PGAM5: variants seen among roughly 807,000 people sequenced by gnomAD.
PGAM5 encodes PGAM family member 5, mitochondrial serine/threonine protein phosphatase, also known as serine/threonine-protein phosphatase PGAM5, mitochondrial.
PGAM5 carries 25 observed loss-of-function variants against 30.6 expected under a neutral mutation model. That is an observed-to-expected ratio of 0.82 (90% CI 0.60 to 1.14). PGAM5 has a LOEUF of 1.14. PGAM5 is among the 50% of genes most tolerant of loss of function. PGAM5 has a pLI of 0.00. For synonymous variants in PGAM5, 201 were observed against 179.1 expected (o/e 1.12, Z -0.98); for missense variants, 384 against 408.5 (o/e 0.94, Z 0.52).
At chr12:132,711,324 C>T (rs1019858484) in intron 1 of PGAM5, 1 of 262,228 alleles carries the variant, frequency 3.8e-6, no homozygotes, top group African/African-American at 2.2e-5. Context: ...GCGAGTCCGC[C>T]CTGGGTGCCA....
chr12:132,717,726 C>G lies in PGAM5; in HGVS notation c.513C>G (p.Ser171Arg), dbSNP rs1428648695. The change falls in exon 4 of 6, where the codon AGC becomes AGG. Residue 171 changes from serine to arginine, a missense_variant. Transcript: ENST00000498926. Reference sequence around the variant, plus strand: ...TCTCTGCAGGCGTCTGCAAAGTCAGCACAGATCTGCTGCGGGAAGGCGCCC... The same window carrying G: ...TCTCTGCAGGCGTCTGCAAAGTCAGGACAGATCTGCTGCGGGAAGGCGCCC... Reference protein sequence around the residue: ...SRHLPGVCKVSTDLLREGAPI... With the variant: ...SRHLPGVCKVRTDLLREGAPI... 6.3e-7 allele frequency: 1 copy of G among 1,577,908 alleles called. No individual in the cohort carries two copies. Among genetic ancestry groups the G allele is most frequent in the African/African-American group, 1.3e-5 (1 of 74,224 alleles).
rs1223534211 is a variant in PGAM5, at chr12:132,721,909, ATTT to A, written c.*1088_*1090del. 2.6e-5 allele frequency: 4 copies of A among 151,580 alleles called. No homozygotes were observed. Among genetic ancestry groups the A allele is most frequent in the African/African-American group, 4.9e-5 (2 of 41,190 alleles). The allele number at this position is 151,580 out of a possible 1,614,324, so 9.4% of individuals were successfully genotyped here. ...TGAGCCATCGTGCCTGGCCTAAAAAATTTTTTTTTCTTCATCTGGGTTTTTGCT... is the reference window on the plus strand; with the variant it reads ...TGAGCCATCGTGCCTGGCCTAAAAAATTTTTTCTTCATCTGGGTTTTTGCT... On this transcript the variant is annotated 3_prime_UTR_variant, in exon 6 of 6. Transcript: ENST00000498926.
At chr12:132,711,341 G>A in intron 1 of PGAM5, 1 of 246,860 alleles carries the variant, frequency 4.1e-6, no homozygotes, top group Non-Finnish European at 7.7e-6. Flanking sequence ...GCCATCGCCG[G>A]AGCGCGGGCC....
At chr12:132,715,497 G>A (rs1343320139) in intron 2 of PGAM5, among the ~76,000 whole-genome samples, 3 of 151,826 alleles carry the variant, frequency 2.0e-5, no homozygotes, top group Non-Finnish European at 4.4e-5. Context: ...TGTGAACCCT[G>A]GAGGCGGAGC....
chr12:132,718,780 C>A, intron 5 of PGAM5: 2 of 1,613,588 alleles, frequency 1.2e-6, no homozygotes, highest in Middle Eastern at 1.7e-4. Context: ...CGCTGTTGTC[C>A]GCTGGGGATT....
rs2043513557 is a variant in PGAM5 at position 132,710,849 on chromosome 12, T to G, written c.-28T>G. 1 of 1,106,692 alleles carries G rather than the reference T, an allele frequency of 9.0e-7. No individual in the cohort carries two copies. The highest frequency in any genetic ancestry group is 1.1e-6 in the Non-Finnish European group (1 of 908,786). 68.6% of individuals were successfully genotyped at this position (1,106,692 alleles called of 1,614,324 possible). A position where few individuals can be genotyped will look rare whatever the true frequency, so the allele number is the denominator to read the frequency against. ...GAGCGCCGTCGGGGCCGTGGGCGCC[T>G]GCGCGGGCCGGCGCGGGAGCAAGCG... On this transcript the variant is annotated 5_prime_UTR_variant, in exon 1 of 6. Transcript: ENST00000498926.
At chr12:132,717,676 G>C (rs760803476) in intron 3 of PGAM5, 34 bp from the exon 4 acceptor site, 3 of 1,562,530 alleles carry the variant, frequency 1.9e-6, no homozygotes, top group South Asian at 1.2e-5. Flanking sequence ...CGGCGGGGCC[G>C]CCTCACCCAG....
chr12:132,720,717 C>T lies in PGAM5; in HGVS notation c.759C>T (p.Ser253=). The change falls in exon 6 of 6, where the codon TCC becomes TCT. Residue 253 remains serine, a synonymous_variant. Coordinates refer to ENST00000498926, the MANE Select transcript of PGAM5 (RefSeq NM_001170543.2). Reference sequence around the variant, plus strand: ...CTCCTGAAGGCTGGCTCCGGCTCTCCCTCAATAATGGCAGCATCACCCACC... The same window carrying T: ...CTCCTGAAGGCTGGCTCCGGCTCTCTCTCAATAATGGCAGCATCACCCACC... ...QFPPEGWLRL[S]LNNGSITHLV... is the part of the protein sequence containing the mutation. 6.5e-7 allele frequency: 1 copy of T among 1,536,366 alleles called. No individual in the cohort carries two copies. The highest frequency in any genetic ancestry group is 8.7e-7 in the Non-Finnish European group (1 of 1,146,854).
At position 132,715,015 on chromosome 12, in the gene PGAM5, G is replaced by A. The variant is rs1455953121; in HGVS notation, c.349G>A (p.Asp117Asn). 2.5e-6 allele frequency: 4 copies of A among 1,612,502 alleles called. No homozygotes were observed. Among genetic ancestry groups the A allele is most frequent in the Non-Finnish European group, 3.4e-6 (4 of 1,179,694 alleles). Residue 117 changes from aspartate (D) to asparagine (N), a missense_variant, in exon 2 of 6, where the codon GAC becomes AAC. Coordinates refer to ENST00000498926, the MANE Select transcript of PGAM5 (RefSeq NM_001170543.2). ...QYHVDGSLEK[D>N]RTLTPLGREQ... The stretch of plus-strand genomic sequence containing the variant: ...CCACGTGGATGGCTCCCTGGAGAAG[G>A]ACCGCACTCTGACCCCGCTGGGTAT...
chr12:132,713,166 GA>G (rs1334919069), intron 1 of PGAM5, among the ~76,000 whole-genome samples: 1 of 151,464 alleles, frequency 6.6e-6, no homozygotes, highest in African/African-American at 2.4e-5. Flanking sequence ...TCTCAAAAAA[GA>G]AAAAAAAGAA....
At position 132,718,110 on chromosome 12, in the gene PGAM5, A is replaced by G; in HGVS notation, c.709A>G (p.Ile237Val). The G allele has an allele frequency of 6.2e-7, 1 of 1,612,576 alleles. No homozygotes were observed. The highest frequency in any genetic ancestry group is 1.3e-5 in the African/African-American group (1 of 74,946). The change falls in exon 5 of 6, where the codon ATC becomes GTC. Residue 237 changes from isoleucine to valine, a missense_variant. Physicochemically the swap from Ile to Val is conservative, Grantham distance 29 (BLOSUM62 3). Transcript: ENST00000498926. Reference sequence around the variant, plus strand: ...CTGTCACGCCAACGTCATCCGCTACATCGTGTGCAGGTAGGCAGCTGCTGG... The same window carrying G: ...CTGTCACGCCAACGTCATCCGCTACGTCGTGTGCAGGTAGGCAGCTGCTGG... ...FICHANVIRY[I>V]VCRALQFPPE... is the part of the protein sequence containing the mutation.
Position 132,720,781 on chromosome 12 carries a change from C to T in PGAM5, c.823C>T (p.Leu275Phe), listed in dbSNP as rs1321449743. The T allele has an allele frequency of 1.3e-6, 2 of 1,536,372 alleles. No individual in the cohort carries two copies. The highest frequency in any genetic ancestry group is 2.7e-5 in the African/African-American group (2 of 73,030). The change falls in exon 6 of 6, where the codon CTC (leucine) becomes TTC (phenylalanine). Residue 275 changes from leucine (L) to phenylalanine (F), a missense_variant. Physicochemically the swap from Leu to Phe is conservative, Grantham distance 22. Coordinates refer to ENST00000498926, the MANE Select transcript of PGAM5 (RefSeq NM_001170543.2). ...CAACGGCCGAGTTGCGCTCAGGACC[C>T]TCGGGGACACGGGGTTCATGCCTCC... The part of the protein sequence containing the change: ...RPNGRVALRT[L>F]GDTGFMPPDK...
intron 2 of PGAM5, among the ~76,000 whole-genome samples, chr12:132,716,368 A>C (rs1301622287): frequency 6.7e-6 from 1 of 150,330 alleles, no homozygotes; most frequent in African/African-American, 2.4e-5. Flanking sequence ...TACAGGCGTG[A>C]GCCACCACAC....
Position 132,718,199 on chromosome 12 carries a change from C to T in PGAM5, c.719+79C>T, listed in dbSNP as rs1405043369. On this transcript the variant is annotated intron_variant, in intron 5 of 5. Transcript: ENST00000498926. The stretch of plus-strand genomic sequence containing the variant: ...AGCATGAGGAAGAAGCCGAGCGAGA[C>T]CCTCCTCCACTGCCGATGCCACCCT... The T allele has an allele frequency of 1.5e-5, 23 of 1,561,264 alleles. No individual in the cohort carries two copies. The Middle Eastern group carries it at 1.2e-3, about 82-fold the overall frequency.
chr12:132,710,893 C>G lies in PGAM5; in HGVS notation c.17C>G (p.Ala6Gly). Residue 6 changes from alanine to glycine, a missense_variant, in exon 1 of 6, where the codon GCG (alanine) becomes GGG (glycine). Physicochemically the swap from Ala to Gly is moderately conservative, Grantham distance 60. Coordinates refer to ENST00000498926, the MANE Select transcript of PGAM5 (RefSeq NM_001170543.2). ...GCAAGCGGCATGGCGTTCCGGCAGG[C>G]GCTGCAGCTGGCGGCCTGCGGGCTG... MAFRQALQLAACGLAG... is the reference protein window; with the variant it reads MAFRQGLQLAACGLAG... 8.8e-7 allele frequency: 1 copy of G among 1,139,840 alleles called. No individual in the cohort carries two copies. The highest frequency in any genetic ancestry group is 4.6e-5 in the East Asian group (1 of 21,714). 70.6% of individuals were successfully genotyped at this position (1,139,840 alleles called of 1,614,324 possible).
intron 5 of PGAM5, among the ~76,000 whole-genome samples, chr12:132,719,696 A>C (rs1050147609): frequency 2.0e-5 from 3 of 152,222 alleles, no homozygotes; most frequent in African/African-American, 7.2e-5. Context: ...AGGCACGTGC[A>C]CCTGGACACG....
chr12:132,714,906 T>C lies in PGAM5; in HGVS notation c.240T>C (p.Ser80=), dbSNP rs759587288. ...LINVRKRNVE[S]GEEELASKLD... ...ACGTGCGGAAGAGGAACGTGGAATC[T>C]GGGGAAGAAGAGCTGGCGTCCAAGC... Residue 80 remains serine (S), a synonymous_variant, in exon 2 of 6, where the codon TCT becomes TCC. Coordinates refer to ENST00000498926, the MANE Select transcript of PGAM5 (RefSeq NM_001170543.2). 8.7e-6 allele frequency: 14 copies of C among 1,613,738 alleles called. No homozygotes were observed. Among genetic ancestry groups the C allele is most frequent in the Non-Finnish European group, 1.2e-5 (14 of 1,179,998 alleles).
At chr12:132,714,684 TG>T in intron 1 of PGAM5, 173 bp from the exon 2 acceptor site, 1 of 654,930 alleles carries the variant, frequency 1.5e-6, no homozygotes, top group Non-Finnish European at 2.6e-6. Context: ...ACTAGCTTTG[TG>T]GGAGGGAGAG....
At chr12:132,718,988 G>A (rs2043617147) in intron 5 of PGAM5, 8 of 1,453,366 alleles carry the variant, frequency 5.5e-6, no homozygotes, top group Admixed American at 5.3e-5. Flanking sequence ...ACCACAGAAT[G>A]ATCCGGGTTC....
Sources: gnomAD v4.1 joint callset for allele counts (sites outside exome capture counted in the v4.1 genomes callset) on GRCh38, gnomAD v4.1.1 for gene constraint, MANE v1.5 for transcripts, NCBI Gene and HGNC (gene_info 2026-07-23, HGNC 2026-07-21) for gene names.